DOCK4: variants seen among roughly 807,000 people sequenced by gnomAD.
The protein encoded by DOCK4 is dedicator of cytokinesis 4.
DOCK4 carries 97 observed loss-of-function variants against 268.1 expected under a neutral mutation model. That is an observed-to-expected ratio of 0.36 (90% CI 0.31 to 0.43). DOCK4 has a LOEUF of 0.43. Among genes scored for constraint, DOCK4 ranks in the 20% least tolerant of loss-of-function variants. The pLI is 1.00. For synonymous variants in DOCK4, 954 were observed against 887.2 expected, an observed-to-expected ratio of 1.08 and a Z score of -1.34; for missense variants, 2,145 against 2,455.7, an observed-to-expected ratio of 0.87 and a Z score of 2.67.
At chr7:111,947,432 C>T (rs1795705709) in intron 8 of DOCK4, among the ~76,000 whole-genome samples, 1 of 151,952 alleles carries the variant, frequency 6.6e-6, no homozygotes, top group African/African-American at 2.4e-5. Context: ...GCAGCCAATA[C>T]ATATTTCTAT....
At chr7:111,936,701 A>G (rs1794773984) in intron 11 of DOCK4, among the ~76,000 whole-genome samples, 1 of 152,212 alleles carries the variant, frequency 6.6e-6, no homozygotes. Flanking sequence ...TCCTCCCAAG[A>G]GGCCTGAACA....
intron 52 of DOCK4, among the ~76,000 whole-genome samples, chr7:111,729,562 G>C (rs1356643485): frequency 6.6e-6 from 1 of 152,106 alleles, no homozygotes; most frequent in African/African-American, 2.4e-5. Context: ...AATAAATAAA[G>C]GTATCCACCA....
chr7:112,179,640 T>A (rs550822270), intron 1 of DOCK4, among the ~76,000 whole-genome samples: 52 of 152,182 alleles, frequency 3.4e-4, no homozygotes, highest in African/African-American at 9.2e-4. Context: ...AGGAAGTTTT[T>A]CTAGAATCAC....
At chr7:111,858,498 T>C (rs1446967520) in intron 23 of DOCK4, among the ~76,000 whole-genome samples, 2 of 152,174 alleles carry the variant, frequency 1.3e-5, no homozygotes, top group African/African-American at 2.4e-5. Flanking sequence ...ATCCACTCTG[T>C]TGAAGGCCTG....
At chr7:111,825,176 G>T (rs1482048604) in intron 26 of DOCK4, among the ~76,000 whole-genome samples, 1 of 151,982 alleles carries the variant, frequency 6.6e-6, no homozygotes, top group African/African-American at 2.4e-5. Flanking sequence ...TATTCAAAAG[G>T]CATCTCCACA....
chr7:111,850,078 T>C (rs958275395), intron 23 of DOCK4, among the ~76,000 whole-genome samples: 5 of 152,120 alleles, frequency 3.3e-5, no homozygotes, highest in African/African-American at 7.2e-5. Context: ...TGTGAGCTTA[T>C]ACGTTAAAAA....
intron 31 of DOCK4, among the ~76,000 whole-genome samples, chr7:111,789,593 A>T (rs1799394904): frequency 6.6e-6 from 1 of 152,208 alleles, no homozygotes; most frequent in Admixed American, 6.5e-5. Flanking sequence ...CCTAAGTACA[A>T]TTTTTAAATA....
chr7:111,730,701 C>G (rs79970898), intron 52 of DOCK4, among the ~76,000 whole-genome samples: 3,814 of 152,096 alleles, frequency 0.025, 110 homozygotes, highest in African/African-American at 0.065. Flanking sequence ...AGGCTAGTAA[C>G]ATGGTAGCAG....
chr7:112,199,606 T>A (rs1000327893), intron 1 of DOCK4, among the ~76,000 whole-genome samples: 3 of 152,232 alleles, frequency 2.0e-5, no homozygotes, highest in Non-Finnish European at 4.4e-5. Context: ...TCTTATATAC[T>A]CTAGCCAAAT....
intron 37 of DOCK4, among the ~76,000 whole-genome samples, chr7:111,768,804 G>A (rs578188246): frequency 6.6e-6 from 1 of 152,326 alleles, no homozygotes; most frequent in East Asian, 1.9e-4. Flanking sequence ...TTTCGGGAGA[G>A]TGTGAAGGAT....
At chr7:112,202,663 A>T (rs977124368) in intron 1 of DOCK4, among the ~76,000 whole-genome samples, 10 of 152,022 alleles carry the variant, frequency 6.6e-5, no homozygotes, top group Non-Finnish European at 1.3e-4. Context: ...GAGGCGATCA[A>T]CCAGGAGCTT....
intron 8 of DOCK4, among the ~76,000 whole-genome samples, chr7:111,950,964 C>A (rs919726111): frequency 3.3e-5 from 5 of 152,254 alleles, no homozygotes; most frequent in Non-Finnish European, 7.4e-5. Context: ...GTATTATTAA[C>A]AGCAGAGAAA....
chr7:111,901,463 G>C (rs976878526), intron 14 of DOCK4, among the ~76,000 whole-genome samples: 4 of 151,638 alleles, frequency 2.6e-5, no homozygotes, highest in African/African-American at 9.7e-5. Flanking sequence ...CATGAAGACT[G>C]CGTTTTTCTG....
intron 36 of DOCK4, among the ~76,000 whole-genome samples, chr7:111,775,832 A>G (rs1798407929): frequency 6.6e-6 from 1 of 152,214 alleles, no homozygotes; most frequent in African/African-American, 2.4e-5. Context: ...AGAGAGACCA[A>G]CTGCAGGGAG....
At chr7:111,928,809 G>C (rs961480980) in intron 12 of DOCK4, among the ~76,000 whole-genome samples, 1 of 151,982 alleles carries the variant, frequency 6.6e-6, no homozygotes, top group African/African-American at 2.4e-5. Context: ...GGCTGGTCTC[G>C]AACTCCTGAC....
intron 24 of DOCK4, 126 bp from the exon 25 acceptor site, chr7:111,845,023 CT>C: frequency 7.6e-7 from 1 of 1,307,316 alleles, no homozygotes; most frequent in Non-Finnish European, 1.0e-6. Context: ...GAATGATCTC[CT>C]TTTACAGTAA....
chr7:112,071,272 C>T lies in DOCK4; in HGVS notation c.38-67141G>A, dbSNP rs575059513. On this transcript the variant is annotated intron_variant, in intron 1 of 52. Transcript: ENST00000428084. ...GATGCTGGCAATGAATGTAAAAACT[C>T]GGACACAGATTTTTTTCTACTATTC... is the stretch of plus-strand genomic sequence containing the variant. 5.8e-4 allele frequency among the ~76,000 whole-genome samples: 88 copies of T among 152,278 alleles called. No homozygotes were observed. The Middle Eastern group carries it at 0.014, about 24-fold the overall frequency.
chr7:111,744,657 T>C (rs1194078910), intron 44 of DOCK4, among the ~76,000 whole-genome samples: 1 of 152,216 alleles, frequency 6.6e-6, no homozygotes, highest in African/African-American at 2.4e-5. Flanking sequence ...GAACCATTCA[T>C]AAGAGGTAAA....
At chr7:111,851,060 A>G (rs1038282909) in intron 23 of DOCK4, among the ~76,000 whole-genome samples, 28 of 152,226 alleles carry the variant, frequency 1.8e-4, no homozygotes, top group Admixed American at 1.3e-4. Flanking sequence ...TTAAAAACAA[A>G]AACAAAAACC....
Sources: allele counts gnomAD v4.1 joint callset (sites outside exome capture counted in the v4.1 genomes callset), GRCh38; gene constraint gnomAD v4.1.1; transcripts MANE v1.5; gene names NCBI Gene and HGNC (gene_info 2026-07-23, HGNC 2026-07-21).